The following DTHD1 variants were observed in gnomAD, a reference collection of about 807,000 sequenced individuals.
DTHD1 encodes death domain containing 1.
A neutral mutation model predicts 74.8 loss-of-function variants in DTHD1; 59 were observed. That is an observed-to-expected ratio of 0.79 (90% CI 0.64 to 0.98). The LOEUF is 0.98. Among genes scored for constraint, DTHD1 ranks in the 50% least tolerant of loss-of-function variants. DTHD1 has a pLI of 0.00. For missense variants in DTHD1, 1,051 were observed against 1,065.4 expected (o/e 0.99, Z 0.19); for synonymous variants, 365 against 371.1 (o/e 0.98, Z 0.19).
intron 5 of DTHD1, among the ~76,000 whole-genome samples, chr4:36,299,050 C>G (rs1379526614): frequency 6.6e-6 from 1 of 152,156 alleles, no homozygotes; most frequent in Non-Finnish European, 1.5e-5. Context: ...ACTTGCCCCA[C>G]CTCATTCCAT....
chr4:36,340,021 A>G (rs2109579337), intron 9 of DTHD1, among the ~76,000 whole-genome samples: 1 of 152,354 alleles, frequency 6.6e-6, no homozygotes, highest in South Asian at 2.1e-4. Context: ...TAAAAGCATA[A>G]TCACTGCCAT....
chr4:36,332,530 C>G (rs1317915788), intron 8 of DTHD1, among the ~76,000 whole-genome samples: 1 of 152,196 alleles, frequency 6.6e-6, no homozygotes, highest in East Asian at 1.9e-4. Flanking sequence ...TGGCAATTGT[C>G]TTTCCGCTGC....
intron 7 of DTHD1, among the ~76,000 whole-genome samples, chr4:36,308,732 C>T (rs547214626): frequency 2.0e-5 from 3 of 152,080 alleles, no homozygotes; most frequent in Middle Eastern, 3.2e-3. Context: ...TTAGAAATAG[C>T]CTTCTTCACA....
At chr4:36,309,414 G>A (rs747016883) in intron 7 of DTHD1, among the ~76,000 whole-genome samples, 38 of 152,096 alleles carry the variant, frequency 2.5e-4, no homozygotes, top group Non-Finnish European at 5.1e-4. Context: ...AGCCGAGATC[G>A]CAGGTTGCAG....
At chr4:36,297,276 T>G (rs1420319693) in intron 5 of DTHD1, among the ~76,000 whole-genome samples, 1 of 152,178 alleles carries the variant, frequency 6.6e-6, no homozygotes, top group Non-Finnish European at 1.5e-5. Flanking sequence ...CCTTTATTCC[T>G]TTAATTATTT....
At chr4:36,308,996 A>G (rs200100725) in intron 7 of DTHD1, among the ~76,000 whole-genome samples, 1 of 152,014 alleles carries the variant, frequency 6.6e-6, no homozygotes, top group African/African-American at 2.4e-5. Context: ...GACTCCCAAA[A>G]ATGTGTGAAT....
Position 36,308,311 on chromosome 4 carries a change from C to T in DTHD1, c.1913C>T (p.Ser638Phe). 6.4e-7 allele frequency: 1 copy of T among 1,552,022 alleles called. No individual in the cohort carries two copies. Among genetic ancestry groups the T allele is most frequent in the South Asian group, 1.2e-5 (1 of 84,054 alleles). Residue 638 changes from serine (S) to phenylalanine (F), a missense_variant, in exon 7 of 10, where the codon TCT becomes TTT. Coordinates refer to ENST00000639862, the MANE Select transcript of DTHD1 (RefSeq NM_001170700.3). The stretch of plus-strand genomic sequence containing the variant: ...AGCACCACTGCCTGCATAGTACTGT[C>T]TCACCAGAAGGACAATCCACATAGA... ...MLSTTACIVL[S>F]HQKDNPHRIA...
In DTHD1 at chr4:36,283,988, T is replaced by C. The variant is rs1182670518; in HGVS notation, c.284T>C (p.Phe95Ser). 3 of 1,533,778 alleles carry C rather than the reference T, an allele frequency of 2.0e-6. No homozygotes were observed. Among genetic ancestry groups the C allele is most frequent in the South Asian group, 1.2e-5 (1 of 83,904 alleles). The change falls in exon 2 of 10, where the codon TTC (phenylalanine) becomes TCC (serine). Residue 95 changes from phenylalanine (F) to serine (S), a missense_variant. By Grantham distance (155) the Phe-to-Ser change is radical. Transcript: ENST00000639862. The part of the protein sequence containing the change: ...QCVSRKEIIT[F>S]IDCLIKITEH... The stretch of plus-strand genomic sequence containing the variant: ...TATGTGTGTGTAGAAATCATTACTT[T>C]CATAGACTGCCTCATAAAAATAACT...
chr4:36,282,547 C>T (rs1024523109), intron 1 of DTHD1, among the ~76,000 whole-genome samples: 4 of 152,074 alleles, frequency 2.6e-5, no homozygotes, highest in African/African-American at 9.7e-5. Flanking sequence ...GGAATTGGAT[C>T]CCCATGCACT....
chr4:36,334,695 C>T (rs1315919360), intron 8 of DTHD1, among the ~76,000 whole-genome samples: 3 of 152,174 alleles, frequency 2.0e-5, no homozygotes, highest in Non-Finnish European at 4.4e-5. Context: ...GAAAACTAAA[C>T]GCCTCGTGAG....
chr4:36,347,304 A>G lies in DTHD1; in HGVS notation c.*3480A>G, dbSNP rs1297861322. ...TATGTTTGACTTTTTATTCAACTTT[A>G]TGTTGCTGAAATTCATCCATTTTGC... On this transcript the variant is annotated 3_prime_UTR_variant, in exon 10 of 10. Transcript: ENST00000639862. 2.6e-5 allele frequency among the ~76,000 whole-genome samples: 4 copies of G among 152,074 alleles called. No individual in the cohort carries two copies. The highest frequency in any genetic ancestry group is 1.3e-4 in the Admixed American group (2 of 15,264).
intron 8 of DTHD1, among the ~76,000 whole-genome samples, chr4:36,334,999 G>T (rs1366849624): frequency 6.6e-6 from 1 of 152,194 alleles, no homozygotes; most frequent in African/African-American, 2.4e-5. Flanking sequence ...CAATAAATCA[G>T]TGAATGTCTA....
chr4:36,286,912 T>C (rs1415419246), intron 2 of DTHD1, among the ~76,000 whole-genome samples: 1 of 152,262 alleles, frequency 6.6e-6, no homozygotes, highest in Non-Finnish European at 1.5e-5. Flanking sequence ...CATTTTTGAC[T>C]GGTATGCCTT....
At chr4:36,295,095 T>A in intron 5 of DTHD1, 56 bp downstream of exon 5, 3 of 1,411,650 alleles carry the variant, frequency 2.1e-6, no homozygotes, top group Non-Finnish European at 2.8e-6. Flanking sequence ...GAAGCTTAGA[T>A]GATTAAAACT....
chr4:36,310,126 T>C (rs1261143667), intron 7 of DTHD1, among the ~76,000 whole-genome samples: 1 of 152,188 alleles, frequency 6.6e-6, no homozygotes, highest in African/African-American at 2.4e-5. Context: ...GTTGATTCCA[T>C]GACTTTGCTA....
At chr4:36,313,267 T>C (rs1408080875) in intron 7 of DTHD1, among the ~76,000 whole-genome samples, 2 of 152,126 alleles carry the variant, frequency 1.3e-5, no homozygotes, top group Non-Finnish European at 2.9e-5. Flanking sequence ...ATAGCTACTA[T>C]CTCAAGACAC....
chr4:36,308,520 A>G (rs1560800409), intron 7 of DTHD1, 27 bp downstream of exon 7: 1 of 1,511,978 alleles, frequency 6.6e-7, no homozygotes, highest in Non-Finnish European at 8.9e-7. Context: ...CTTTTTATAT[A>G]TTTTATTGGC....
chr4:36,334,811 C>T (rs921154473), intron 8 of DTHD1, among the ~76,000 whole-genome samples: 1 of 152,164 alleles, frequency 6.6e-6, no homozygotes, highest in African/African-American at 2.4e-5. Flanking sequence ...TACATAAAAA[C>T]CTTGCTGTGC....
intron 9 of DTHD1, 65 bp downstream of exon 9, chr4:36,339,234 T>C: frequency 9.0e-7 from 1 of 1,107,152 alleles, no homozygotes; most frequent in Admixed American, 2.8e-5. Flanking sequence ...TGTATATATG[T>C]GAATCATTTC....
Sources: gnomAD v4.1 joint callset for allele counts (sites outside exome capture counted in the v4.1 genomes callset) on GRCh38, gnomAD v4.1.1 for gene constraint, MANE v1.5 for transcripts, NCBI Gene and HGNC (gene_info 2026-07-23, HGNC 2026-07-21) for gene names.